The following PSMA8 variants were observed in gnomAD, a reference collection of about 807,000 sequenced individuals.
PSMA8 encodes proteasome 20S subunit alpha 8, also known as proteasome subunit alpha-type 8.
A neutral mutation model predicts 32.4 loss-of-function variants in PSMA8; 18 were observed. The ratio of observed to expected loss-of-function variants is 0.56; its 90% CI spans 0.38 to 0.82. The LOEUF is 0.82. Ranked by LOEUF, PSMA8 falls within the 40% of genes least tolerant of loss-of-function variation. The pLI, the probability that PSMA8 is intolerant of heterozygous loss-of-function variation, is 0.00. For synonymous variants in PSMA8, 104 were observed against 98.1 expected (o/e 1.06, Z -0.36); for missense variants, 298 against 300.7 (o/e 0.99, Z 0.07).
intron 6 of PSMA8, among the ~76,000 whole-genome samples, chr18:26,188,827 T>TA (rs945209336): frequency 1.3e-5 from 2 of 151,970 alleles, no homozygotes; most frequent in African/African-American, 4.8e-5. Context: ...TCACCATATA[T>TA]AAAAAATCAA....
At chr18:26,175,951 A>G (rs2055260548) in intron 4 of PSMA8, among the ~76,000 whole-genome samples, 1 of 152,216 alleles carries the variant, frequency 6.6e-6, no homozygotes, top group South Asian at 2.1e-4. Context: ...GAAGCTAGGA[A>G]GTGACATTTT....
intron 4 of PSMA8, among the ~76,000 whole-genome samples, chr18:26,177,513 A>G (rs191454896): frequency 5.6e-4 from 85 of 152,356 alleles, no homozygotes; most frequent in Non-Finnish European, 1.1e-3. Flanking sequence ...TGCCTGACAC[A>G]TAAGTGTTCT....
At chr18:26,167,035 T>C (rs1021873466) in intron 4 of PSMA8, among the ~76,000 whole-genome samples, 4 of 152,184 alleles carry the variant, frequency 2.6e-5, no homozygotes, top group African/African-American at 9.7e-5. Context: ...ATAAAATACC[T>C]ATTCAAAGCA....
chr18:26,140,539 ATAG>A (rs1206384222), intron 1 of PSMA8, among the ~76,000 whole-genome samples: 4 of 152,212 alleles, frequency 2.6e-5, no homozygotes, highest in African/African-American at 9.6e-5. Flanking sequence ...ATTTTCACAC[ATAG>A]TAGTACAAAT....
Position 26,134,017 on chromosome 18 carries a change from C to A in PSMA8, c.52C>A (p.Leu18Ile). Residue 18 changes from leucine (L) to isoleucine (I), a missense_variant, in exon 1 of 7, where the codon CTT becomes ATT. Leu to Ile is a conservative substitution (Grantham distance 5). Coordinates refer to ENST00000415576, the MANE Select transcript of PSMA8 (RefSeq NM_001025096.2). ...CACTGTCTTCTCCCCAGACGGACAC[C>A]TTTTTCAAGTTGAATATGCCCAGGA... ...AITVFSPDGH[L>I]FQVEYAQEAV... 3.1e-6 allele frequency: 5 copies of A among 1,614,094 alleles called. No individual in the cohort carries two copies. The highest frequency in any genetic ancestry group is 2.5e-6 in the Non-Finnish European group (3 of 1,179,972).
At position 26,186,712 on chromosome 18, in the gene PSMA8, A is replaced by G. The variant is rs80028784; in HGVS notation, c.661-5607A>G. On this transcript the variant is annotated intron_variant, in intron 6 of 6. Transcript: ENST00000415576. ...CAGGAAATAGCTTGACTTAAGGTAT[A>G]TAAGTAGACTTCTACAACTTCAGTT... Among the ~76,000 whole-genome samples, 680 of 152,364 alleles carry G rather than the reference A, an allele frequency of 4.5e-3. 5 individuals are homozygous for G. Among genetic ancestry groups the G allele is most frequent in the African/African-American group, 0.015 (611 of 41,590 alleles).
chr18:26,175,849 A>G (rs2055259684), intron 4 of PSMA8, among the ~76,000 whole-genome samples: 1 of 152,214 alleles, frequency 6.6e-6, no homozygotes, highest in East Asian at 1.9e-4. Flanking sequence ...GATAGCTGCT[A>G]GACCTCTAGC....
chr18:26,188,340 C>CAAAAAAAAAAAAAA (rs35512719), intron 6 of PSMA8, among the ~76,000 whole-genome samples: 1 of 143,662 alleles, frequency 7.0e-6, no homozygotes, highest in Non-Finnish European at 1.5e-5. Context: ...AAAAGGACAC[C>CAAAAAAAAAAAAAA]AAAAAAAAAA....
At chr18:26,135,207 C>T (rs1310624854) in intron 1 of PSMA8, among the ~76,000 whole-genome samples, 36 of 152,074 alleles carry the variant, frequency 2.4e-4, no homozygotes, top group Admixed American at 2.2e-3. Context: ...TTAAAGAGGA[C>T]AAAAGTGCCC....
intron 4 of PSMA8, among the ~76,000 whole-genome samples, chr18:26,171,452 G>A (rs2055220517): frequency 6.6e-6 from 1 of 152,162 alleles, no homozygotes; most frequent in African/African-American, 2.4e-5. Flanking sequence ...TCTGAGTTTC[G>A]GCCGGGTGCA....
At chr18:26,181,947 T>C (rs957540205) in intron 6 of PSMA8, among the ~76,000 whole-genome samples, 1 of 150,860 alleles carries the variant, frequency 6.6e-6, no homozygotes. Context: ...AAACCAGTCT[T>C]GTTACTGATA....
chr18:26,174,385 G>A (rs11876577), intron 4 of PSMA8, among the ~76,000 whole-genome samples: 8,538 of 152,206 alleles, frequency 0.056, 708 homozygotes, highest in African/African-American at 0.18. Context: ...AGATTTGTAG[G>A]AATGCCAGTC....
At chr18:26,176,101 T>C (rs1466662741) in intron 4 of PSMA8, among the ~76,000 whole-genome samples, 1 of 152,134 alleles carries the variant, frequency 6.6e-6, no homozygotes, top group African/African-American at 2.4e-5. Flanking sequence ...CCAGTCATTA[T>C]TGAAGTGGAC....
chr18:26,186,520 T>G (rs1568072453), intron 6 of PSMA8, among the ~76,000 whole-genome samples: 1 of 152,126 alleles, frequency 6.6e-6, no homozygotes, highest in Non-Finnish European at 1.5e-5. Flanking sequence ...ATTTTAGAGG[T>G]GGACTGGTTT....
At chr18:26,183,085 C>T (rs2055325340) in intron 6 of PSMA8, among the ~76,000 whole-genome samples, 1 of 147,674 alleles carries the variant, frequency 6.8e-6, no homozygotes, top group South Asian at 2.1e-4. Flanking sequence ...GAACGAGACT[C>T]TGTCTCAAAA....
chr18:26,141,713 C>CTTTTTTTTTTTTTTTTTTT (rs1011733993), intron 1 of PSMA8, among the ~76,000 whole-genome samples: 3 of 109,994 alleles, frequency 2.7e-5, no homozygotes, highest in Admixed American at 9.7e-5. Flanking sequence ...TTTCTTTTTT[C>CTTTTTTTTTTTTTTTTTTT]TTTTTTTTTT....
intron 2 of PSMA8, among the ~76,000 whole-genome samples, chr18:26,145,244 G>A (rs576873367): frequency 6.6e-6 from 1 of 151,954 alleles, no homozygotes; most frequent in Non-Finnish European, 1.5e-5. Flanking sequence ...TCAGCCTCCC[G>A]AGTAGCTGGG....
intron 4 of PSMA8, among the ~76,000 whole-genome samples, chr18:26,160,463 G>A (rs2055126650): frequency 6.6e-6 from 1 of 152,070 alleles, no homozygotes; most frequent in Non-Finnish European, 1.5e-5. Flanking sequence ...ATCCATTCTT[G>A]GAAGGTAGAA....
chr18:26,163,946 G>A (rs1401962694), intron 4 of PSMA8, among the ~76,000 whole-genome samples: 1 of 152,224 alleles, frequency 6.6e-6, no homozygotes, highest in Non-Finnish European at 1.5e-5. Flanking sequence ...GAAGGACCCA[G>A]CATAGTCTAC....
Sources: allele counts gnomAD v4.1 joint callset (sites outside exome capture counted in the v4.1 genomes callset), GRCh38; gene constraint gnomAD v4.1.1; transcripts MANE v1.5; gene names NCBI Gene and HGNC (gene_info 2026-07-23, HGNC 2026-07-21).